HNRNPF: variants seen among roughly 807,000 people sequenced by gnomAD.
The protein encoded by HNRNPF is HnRNP F protein.
HNRNPF carries 2 observed loss-of-function variants against 26.0 expected under a neutral mutation model. The observed-to-expected ratio is 0.08, with a 90% CI of 0.03 to 0.24. The LOEUF is 0.24. Ranked by LOEUF, HNRNPF falls within the 10% of genes least tolerant of loss-of-function variation. The probability of loss-of-function intolerance (pLI) is 1.00; values close to 1 mark genes in which losing one functional copy is unlikely to be tolerated. For missense variants in HNRNPF, 299 were observed against 539.2 expected (o/e 0.55, Z 4.41); for synonymous variants, 234 against 211.5 (o/e 1.11, Z -0.92).
At position 43,386,836 on chromosome 10, in the gene HNRNPF, G is replaced by A; in HGVS notation, c.1049C>T (p.Ala350Val). 1 of 1,614,138 alleles carries A rather than the reference G, an allele frequency of 6.2e-7. No homozygotes were observed. Among genetic ancestry groups the A allele is most frequent in the Non-Finnish European group, 8.5e-7 (1 of 1,180,034 alleles). The change falls in exon 4 of 4, where the codon GCC (alanine) becomes GTC (valine). Residue 350 changes from alanine (A) to valine (V), a missense_variant. Physicochemically the swap from Ala to Val is moderately conservative, Grantham distance 64. Around this residue, in one of 6 missense-constraint regions of HNRNPF, gnomAD observed 36 missense variants for 93.8 expected, o/e 0.38. Transcript: ENST00000682386. ...EAVAAMSKDR[A>V]NMQHRYIELF... is the part of the protein sequence containing the mutation. ...TTCTATATATCTGTGCTGCATATTG[G>A]CCCTGTCTTTGGACATAGCTGCCAC...
chr10:43,405,751 G>A (rs544249117), intron 1 of HNRNPF, among the ~76,000 whole-genome samples: 14 of 151,636 alleles, frequency 9.2e-5, no homozygotes, highest in Non-Finnish European at 1.6e-4. Flanking sequence ...ATCATGGTTA[G>A]GTTTTAAAAG....
intron 1 of HNRNPF, chr10:43,396,879 G>C (rs1414140030): frequency 1.5e-5 from 2 of 133,736 alleles, no homozygotes; most frequent in African/African-American, 3.0e-5. Context: ...GGAGGGAAGG[G>C]CGCCTCGCGG....
chr10:43,400,704 T>C (rs1177107280), intron 1 of HNRNPF, among the ~76,000 whole-genome samples: 2 of 152,228 alleles, frequency 1.3e-5, no homozygotes, highest in Non-Finnish European at 2.9e-5. Context: ...ACATTTGTAC[T>C]TAACTTTTCA....
chr10:43,392,211 C>G (rs554807854), intron 3 of HNRNPF, among the ~76,000 whole-genome samples: 1 of 152,312 alleles, frequency 6.6e-6, no homozygotes, highest in South Asian at 2.1e-4. Flanking sequence ...CCAGACCAGC[C>G]TAGCCAACAT....
chr10:43,405,753 T>G (rs751164138), intron 1 of HNRNPF, among the ~76,000 whole-genome samples: 1 of 151,326 alleles, frequency 6.6e-6, no homozygotes, highest in Non-Finnish European at 1.5e-5. Flanking sequence ...CATGGTTAGG[T>G]TTTAAAAGTT....
At chr10:43,407,918 GTAT>G (rs1458225668) in intron 1 of HNRNPF, 2 of 152,296 alleles carry the variant, frequency 1.3e-5, no homozygotes, top group Non-Finnish European at 1.5e-5. Context: ...TTTTACTCAG[GTAT>G]TATTACTATT....
In HNRNPF at chr10:43,386,366, T is replaced by C; in HGVS notation, c.*271A>G. 1 of 353,598 alleles carries C rather than the reference T, an allele frequency of 2.8e-6. No individual in the cohort carries two copies. The highest frequency in any genetic ancestry group is 5.1e-6 in the Non-Finnish European group (1 of 197,008). 21.9% of individuals were successfully genotyped at this position (353,598 alleles called of 1,614,324 possible). Reference sequence around the variant, plus strand: ...TGTAAAAGATCCACATTTAACATACTTAAACTACTTAAACTTAGATAACAT... The same window carrying C: ...TGTAAAAGATCCACATTTAACATACCTAAACTACTTAAACTTAGATAACAT... On this transcript the variant is annotated 3_prime_UTR_variant, in exon 4 of 4. Coordinates refer to ENST00000682386, the MANE Select transcript of HNRNPF (RefSeq NM_001098204.2).
chr10:43,399,468 T>C (rs1362039718), intron 1 of HNRNPF, among the ~76,000 whole-genome samples: 1 of 151,968 alleles, frequency 6.6e-6, no homozygotes, highest in Non-Finnish European at 1.5e-5. Context: ...GAGCCAGGGG[T>C]TGTATTGTGC....
At chr10:43,394,984 C>T (rs1031383551) in intron 2 of HNRNPF, among the ~76,000 whole-genome samples, 16 of 152,092 alleles carry the variant, frequency 1.1e-4, no homozygotes, top group Admixed American at 4.6e-4. Context: ...CCCCACCCAG[C>T]GAATTTTTGT....
intron 1 of HNRNPF, among the ~76,000 whole-genome samples, chr10:43,397,731 C>CT (rs1838603454): frequency 6.6e-6 from 1 of 152,192 alleles, no homozygotes; most frequent in Admixed American, 6.5e-5. Flanking sequence ...TTCAAATGAA[C>CT]TGGAGAACAA....
At chr10:43,402,013 G>A (rs936873196) in intron 1 of HNRNPF, among the ~76,000 whole-genome samples, 1 of 150,162 alleles carries the variant, frequency 6.7e-6, no homozygotes, top group Non-Finnish European at 1.5e-5. Flanking sequence ...CCGGCACCCA[G>A]AAATAACATA....
rs372060753 is a variant in HNRNPF at position 43,387,307 on chromosome 10, G to A, written c.578C>T (p.Ser193Leu). The part of the protein sequence containing the change: ...VFKSSQEEVR[S>L]YSDPPLKFMS... Reference sequence around the variant, plus strand: ...GAACTTCAGAGGGGGATCTGAGTATGACCTAACTTCCTCCTGGCTGCTCTT... The same window carrying A: ...GAACTTCAGAGGGGGATCTGAGTATAACCTAACTTCCTCCTGGCTGCTCTT... The change falls in exon 4 of 4, where the codon TCA (serine) becomes TTA (leucine). Residue 193 changes from serine (S) to leucine (L), a missense_variant. This residue lies in a region of HNRNPF where 17 missense variants were observed against 16.1 expected (regional missense o/e 1.05). Transcript: ENST00000682386. This position sits in a 1 kb window ranked among gnomAD's most constrained non-coding sequence, Gnocchi z 6.0. The A allele has an allele frequency of 1.9e-6, 3 of 1,614,124 alleles. No homozygotes were observed. Among genetic ancestry groups the A allele is most frequent in the South Asian group, 1.1e-5 (1 of 91,094 alleles).
chr10:43,390,991 C>T (rs1277687891), intron 3 of HNRNPF, among the ~76,000 whole-genome samples: 2 of 152,072 alleles, frequency 1.3e-5, no homozygotes, highest in South Asian at 4.1e-4. Context: ...ATGCTGCCCC[C>T]AAGTTGTGAA....
intron 1 of HNRNPF, among the ~76,000 whole-genome samples, chr10:43,399,288 A>G (rs951541194): frequency 9.2e-5 from 14 of 151,968 alleles, no homozygotes; most frequent in African/African-American, 3.4e-4. Flanking sequence ...AGGTCTCTCT[A>G]TGATGCCCAG....
At chr10:43,400,461 A>G (rs1279752439) in intron 1 of HNRNPF, among the ~76,000 whole-genome samples, 1 of 152,132 alleles carries the variant, frequency 6.6e-6, no homozygotes, top group East Asian at 1.9e-4. Flanking sequence ...GGGGGCAAAA[A>G]TTCCCCATCA....
At chr10:43,394,063 G>A (rs1382706070) in intron 3 of HNRNPF, among the ~76,000 whole-genome samples, 1 of 152,128 alleles carries the variant, frequency 6.6e-6, no homozygotes, top group Non-Finnish European at 1.5e-5. Context: ...ACCCACAATA[G>A]GAGCCTACTG....
intron 3 of HNRNPF, among the ~76,000 whole-genome samples, chr10:43,391,863 C>T (rs1488953665): frequency 6.6e-6 from 1 of 152,158 alleles, no homozygotes; most frequent in East Asian, 1.9e-4. Context: ...TCCCCTGTGC[C>T]AACTTTGCCT....
intron 3 of HNRNPF, among the ~76,000 whole-genome samples, chr10:43,394,001 T>C (rs1838360005): frequency 6.6e-6 from 1 of 152,148 alleles, no homozygotes; most frequent in Non-Finnish European, 1.5e-5. Flanking sequence ...CCAAATTAAG[T>C]CTCATGCTCT....
intron 1 of HNRNPF, among the ~76,000 whole-genome samples, chr10:43,407,282 C>T (rs1359020562): frequency 1.3e-5 from 2 of 151,618 alleles, no homozygotes; most frequent in African/African-American, 4.8e-5. Flanking sequence ...CGCCTCGCGT[C>T]CCGCCACGCA....
Sources: allele counts gnomAD v4.1 joint callset (sites outside exome capture counted in the v4.1 genomes callset), GRCh38; gene constraint gnomAD v4.1.1; regional missense constraint gnomAD v4.1.1; non-coding constraint Gnocchi (gnomAD v3.1); transcripts MANE v1.5; gene names NCBI Gene and HGNC (gene_info 2026-07-23, HGNC 2026-07-21).